Variants in NDC1 observed in about 807,000 individuals in gnomAD.
NDC1 encodes the protein nucleoporin NDC1.
NDC1 carries 24 observed loss-of-function variants against 89.8 expected under a neutral mutation model. The ratio of observed to expected loss-of-function variants is 0.27; its 90% confidence interval spans 0.19 to 0.38. The LOEUF (loss-of-function observed/expected upper bound fraction) is 0.38. Among genes scored for constraint, NDC1 ranks in the 10% least tolerant of loss-of-function variants. The probability of loss-of-function intolerance (pLI) is 1.00; values close to 1 mark genes in which losing one functional copy is unlikely to be tolerated. For missense variants in NDC1, 728 were observed against 797.6 expected (o/e 0.91, Z 1.05); for synonymous variants, 296 against 284.8 (o/e 1.04, Z -0.39).
At chr1:53,795,449 G>T (rs1570183896) in intron 13 of NDC1, among the ~76,000 whole-genome samples, 1 of 152,034 alleles carries the variant, frequency 6.6e-6, no homozygotes, top group Non-Finnish European at 1.5e-5. Flanking sequence ...AAATTGGCTT[G>T]TCCAAAATCA....
intron 14 of NDC1, among the ~76,000 whole-genome samples, chr1:53,792,103 T>C (rs1000598406): frequency 3.9e-5 from 6 of 151,944 alleles, no homozygotes; most frequent in South Asian, 2.1e-4. Context: ...CCACTGCGCC[T>C]GGCTAATTTT....
At chr1:53,796,543 A>T (rs372377443) in intron 13 of NDC1, 146 bp downstream of exon 13, 34 of 546,632 alleles carry the variant, frequency 6.2e-5, no homozygotes, top group African/African-American at 5.7e-4. Flanking sequence ...AAACCAGTCA[A>T]ATATTGGCTG....
intron 6 of NDC1, among the ~76,000 whole-genome samples, chr1:53,813,445 T>C (rs2100672645): frequency 6.6e-6 from 1 of 152,296 alleles, no homozygotes; most frequent in Non-Finnish European, 1.5e-5. Flanking sequence ...AGGCATTTCA[T>C]GCAAGTGGAC....
At chr1:53,778,341 T>C (rs1014470066) in intron 16 of NDC1, among the ~76,000 whole-genome samples, 2 of 151,586 alleles carry the variant, frequency 1.3e-5, no homozygotes, top group Non-Finnish European at 2.9e-5. Context: ...CTGAAATACA[T>C]GGTAAGGTTT....
intron 16 of NDC1, among the ~76,000 whole-genome samples, chr1:53,774,637 C>A (rs929819244): frequency 1.3e-5 from 2 of 152,118 alleles, no homozygotes; most frequent in Non-Finnish European, 2.9e-5. Context: ...ACTTGTAATC[C>A]CAGCACTTTG....
chr1:53,773,089 C>A (rs1359256021), intron 16 of NDC1, among the ~76,000 whole-genome samples: 12 of 148,306 alleles, frequency 8.1e-5, no homozygotes, highest in Non-Finnish European at 3.0e-5. Context: ...TATTAAAAGA[C>A]CTCAGCAAAA....
chr1:53,808,371 A>T (rs758650964), intron 7 of NDC1, among the ~76,000 whole-genome samples: 2 of 152,130 alleles, frequency 1.3e-5, no homozygotes, highest in African/African-American at 2.4e-5. Context: ...CCAGGATTGG[A>T]ACCTGACTCT....
chr1:53,830,908 G>C (rs149126676), intron 3 of NDC1, among the ~76,000 whole-genome samples: 2 of 148,854 alleles, frequency 1.3e-5, no homozygotes, highest in African/African-American at 2.5e-5. Flanking sequence ...TGATCCTACC[G>C]CATCTGTTTC....
chr1:53,775,333 T>C (rs1442626389), intron 16 of NDC1, among the ~76,000 whole-genome samples: 1 of 150,778 alleles, frequency 6.6e-6, no homozygotes, highest in Non-Finnish European at 1.5e-5. Flanking sequence ...CTCGGCTCAC[T>C]GCAACCTCTG....
Position 53,793,335 on chromosome 1 carries a change from A to G in NDC1, c.1585-56T>C. On this transcript the variant is annotated intron_variant, in intron 13 of 17. Transcript: ENST00000371429. ...TTTACCTTTTAAATTCTATTCAAAT[A>G]TAACACATTTCCTAGTTCTTCCAGA... The G allele has an allele frequency of 3.0e-6, 4 of 1,351,416 alleles. No homozygotes were observed. The South Asian group carries it at 3.5e-5, about 12-fold the overall frequency. The allele number at this position is 1,351,416 out of a possible 1,614,324, so 83.7% of individuals were successfully genotyped here.
In NDC1 at chr1:53,832,639, T is replaced by A. The variant is rs754818417; in HGVS notation, c.179-48A>T. The A allele has an allele frequency of 4.2e-6, 4 of 962,928 alleles. No individual in the cohort carries two copies. In the East Asian group the frequency reaches 9.6e-5, roughly 23 times the overall value. 59.6% of individuals were successfully genotyped at this position (962,928 alleles called of 1,614,324 possible). On this transcript the variant is annotated intron_variant, in intron 2 of 17. Coordinates refer to ENST00000371429, the MANE Select transcript of NDC1 (RefSeq NM_018087.5). ...TAGTAAAGGTTATTCAGTCATGTAG[T>A]CACGTTCAGGACACTGCAATATAAA...
At position 53,797,223 on chromosome 1, in the gene NDC1, T is replaced by C. The variant is rs187315871; in HGVS notation, c.1223-79A>G. 92 of 1,441,842 alleles carry C rather than the reference T, an allele frequency of 6.4e-5. No homozygotes were observed. The African/African-American group carries it at 1.2e-3, about 19-fold the overall frequency. The allele number at this position is 1,441,842 out of a possible 1,614,324, so 89.3% of individuals were successfully genotyped here. ...CAGCAACGCTTTCAAATTCTACACA[T>C]ACCAAATTTTTGTTTAACGCATTTA... On this transcript the variant is annotated intron_variant, in intron 11 of 17. Coordinates refer to ENST00000371429, the MANE Select transcript of NDC1 (RefSeq NM_018087.5).
chr1:53,783,026 A>G (rs1357239705), intron 16 of NDC1, among the ~76,000 whole-genome samples: 1 of 152,220 alleles, frequency 6.6e-6, no homozygotes, highest in Non-Finnish European at 1.5e-5. Flanking sequence ...TGAGAAGTCC[A>G]TGGGCTTCAA....
intron 16 of NDC1, among the ~76,000 whole-genome samples, chr1:53,780,863 CT>C (rs11289616): frequency 0.28 from 40,447 of 144,044 alleles, 6,929 homozygotes; most frequent in African/African-American, 0.5. Flanking sequence ...ATTTTTCTTT[CT>C]TTTTTTTTTT....
intron 1 of NDC1, among the ~76,000 whole-genome samples, chr1:53,837,552 A>T (rs1402756763): frequency 6.6e-6 from 1 of 151,962 alleles, no homozygotes; most frequent in Non-Finnish European, 1.5e-5. Context: ...CCTGGGCAAC[A>T]GGGAGCGAGC....
intron 16 of NDC1, among the ~76,000 whole-genome samples, chr1:53,776,506 G>A (rs1647164743): frequency 6.6e-6 from 1 of 152,028 alleles, no homozygotes. Context: ...CTTAAATACT[G>A]GGTTAAATAA....
intron 7 of NDC1, among the ~76,000 whole-genome samples, chr1:53,809,346 C>A (rs1195069182): frequency 6.6e-6 from 1 of 152,008 alleles, no homozygotes. Context: ...TCATTTTATA[C>A]CCTATTATTA....
At chr1:53,778,084 C>G (rs1647176764) in intron 16 of NDC1, among the ~76,000 whole-genome samples, 1 of 152,002 alleles carries the variant, frequency 6.6e-6, no homozygotes, top group African/African-American at 2.4e-5. Flanking sequence ...TTGGACTCAT[C>G]TGGCAGTAAA....
intron 16 of NDC1, among the ~76,000 whole-genome samples, chr1:53,780,071 CTTTT>C (rs1647192664): frequency 6.6e-5 from 10 of 151,624 alleles, no homozygotes; most frequent in Admixed American, 2.6e-4. Context: ...TCTTTTTTTT[CTTTT>C]TTTGAGATGG....
Sources: gnomAD v4.1 joint callset for allele counts (sites outside exome capture counted in the v4.1 genomes callset) on GRCh38, gnomAD v4.1.1 for gene constraint, MANE v1.5 for transcripts, NCBI Gene and HGNC (gene_info 2026-07-23, HGNC 2026-07-21) for gene names.